The following SYNJ1 variants were observed in gnomAD, a reference collection of about 807,000 sequenced individuals.
SYNJ1 encodes the protein synaptojanin 1.
Under a neutral mutation model 168.2 loss-of-function variants are expected in SYNJ1, and 78 were observed. The ratio of observed to expected loss-of-function variants is 0.46; its 90% confidence interval spans 0.39 to 0.56. The LOEUF is 0.56. Among genes scored for constraint, SYNJ1 ranks in the 20% least tolerant of loss-of-function variants. SYNJ1 has a pLI of 0.00. For missense variants in SYNJ1, 1,303 were observed against 1,597.6 expected (o/e 0.82, Z 3.14); for synonymous variants, 539 against 548.6 (o/e 0.98, Z 0.24).
chr21:32,665,804 C>CA, intron 17 of SYNJ1, 139 bp downstream of exon 17: 1 of 941,724 alleles, frequency 1.1e-6, no homozygotes, highest in Non-Finnish European at 1.5e-6. Context: ...GGTTAATACT[C>CA]ATGAAATATC....
chr21:32,728,107 C>T, upstream of SYNJ1: 1 of 1,485,274 alleles, frequency 6.7e-7, no homozygotes, highest in South Asian at 1.3e-5. Flanking sequence ...AGGAGGGAGA[C>T]CACGCCCACT....
At chr21:32,640,853 T>G (rs1433788632) in intron 29 of SYNJ1, among the ~76,000 whole-genome samples, 7 of 152,340 alleles carry the variant, frequency 4.6e-5, no homozygotes, top group African/African-American at 1.7e-4. Context: ...TGCTGAAGGA[T>G]CTAAGCTAAC....
At chr21:32,711,479 C>T (rs1377014673) in intron 2 of SYNJ1, among the ~76,000 whole-genome samples, 9 of 151,890 alleles carry the variant, frequency 5.9e-5, no homozygotes, top group South Asian at 2.1e-4. Flanking sequence ...ACTACAGGCG[C>T]GCGCCACCAT....
chr21:32,680,781 A>T (rs777726755), intron 11 of SYNJ1, among the ~76,000 whole-genome samples: 1 of 152,062 alleles, frequency 6.6e-6, no homozygotes, highest in African/African-American at 2.4e-5. Context: ...ATGCCCAGCT[A>T]GTATTTTCTA....
chr21:32,711,243 T>A (rs933931622), intron 2 of SYNJ1, among the ~76,000 whole-genome samples: 6 of 152,168 alleles, frequency 3.9e-5, no homozygotes, highest in African/African-American at 1.4e-4. Flanking sequence ...AGTATAAATA[T>A]ATCAATTGTT....
intron 14 of SYNJ1, chr21:32,670,770 T>C (rs2041154400): frequency 1.0e-6 from 1 of 982,402 alleles, no homozygotes. Context: ...AAATTGCTGG[T>C]AACAGTTGGG....
rs1569051217 is a variant in SYNJ1 at position 32,657,058 on chromosome 21, TCCA to T, written c.2521_2523del (p.Trp841del). 2 of 1,613,910 alleles carry T rather than the reference TCCA, an allele frequency of 1.2e-6. No individual in the cohort carries two copies. Among genetic ancestry groups the T allele is most frequent in the Admixed American group, 3.3e-5 (2 of 59,978 alleles). On this transcript the variant is annotated inframe_deletion, in exon 20 of 33. Coordinates refer to ENST00000674351, the MANE Select transcript of SYNJ1 (RefSeq NM_203446.3). ...CCATAGTGCAGCAAAGTGCCTGGAG[TCCA>T]CGTGTACAGAATTTTGCTTTCATCT...
At chr21:32,667,598 G>T (rs1343325647) in intron 15 of SYNJ1, among the ~76,000 whole-genome samples, 2 of 152,012 alleles carry the variant, frequency 1.3e-5, no homozygotes, top group Non-Finnish European at 2.9e-5. Flanking sequence ...TTGAGATGGG[G>T]TCTCACTCTG....
At chr21:32,712,573 G>A (rs73196241) in intron 2 of SYNJ1, among the ~76,000 whole-genome samples, 28 of 151,538 alleles carry the variant, frequency 1.8e-4, no homozygotes, top group Admixed American at 7.9e-4. Context: ...TTTCATTCAC[G>A]CAAGAAGTAT....
In SYNJ1 at chr21:32,637,819, C is replaced by A. The variant is rs192462266; in HGVS notation, c.3915+1089G>T. ...TGTATTATATATCCTTCAACTTTTACAAATGTGACTTAATAAATGCTAACT... is the reference window on the plus strand; with the variant it reads ...TGTATTATATATCCTTCAACTTTTAAAAATGTGACTTAATAAATGCTAACT... On this transcript the variant is annotated intron_variant, in intron 31 of 32. Transcript: ENST00000674351. Among the ~76,000 whole-genome samples the A allele has an allele frequency of 2.0e-4, 31 of 152,304 alleles. No individual in the cohort carries two copies. The East Asian group carries it at 4.6e-3, about 23-fold the overall frequency.
chr21:32,669,448 A>T (rs2041092988), intron 15 of SYNJ1, among the ~76,000 whole-genome samples: 2 of 152,352 alleles, frequency 1.3e-5, no homozygotes, highest in South Asian at 2.1e-4. Context: ...GTAATTAACC[A>T]ATATGATGCT....
rs575383669 is a variant in SYNJ1, at chr21:32,683,149, C to A, written c.1200+889G>T. On this transcript the variant is annotated intron_variant, in intron 10 of 32. Coordinates refer to ENST00000674351, the MANE Select transcript of SYNJ1 (RefSeq NM_203446.3). ...TAAAGGAAATAAGAACATGTAACTTCCTATTGCTGTTTTTTTATAGTATTT... is the reference window on the plus strand; with the variant it reads ...TAAAGGAAATAAGAACATGTAACTTACTATTGCTGTTTTTTTATAGTATTT... 2.0e-5 allele frequency among the ~76,000 whole-genome samples: 3 copies of A among 152,096 alleles called. No homozygotes were observed. The South Asian group carries it at 6.2e-4, about 32-fold the overall frequency.
chr21:32,721,089 A>G (rs913481315), intron 2 of SYNJ1, among the ~76,000 whole-genome samples: 1 of 152,236 alleles, frequency 6.6e-6, no homozygotes, highest in African/African-American at 2.4e-5. Flanking sequence ...CAGGAAAAAA[A>G]TATGTACCTG....
chr21:32,701,842 A>G, intron 3 of SYNJ1, 119 bp downstream of exon 3: 1 of 672,958 alleles, frequency 1.5e-6, no homozygotes, highest in Non-Finnish European at 2.3e-6. Flanking sequence ...AAAAGATGTT[A>G]GCACATGTGT....
chr21:32,664,884 T>C, intron 18 of SYNJ1, 29 bp downstream of exon 18: 4 of 1,519,816 alleles, frequency 2.6e-6, no homozygotes, highest in Non-Finnish European at 3.5e-6. Flanking sequence ...AAAATCTTAA[T>C]GCAAGTATTT....
At chr21:32,666,348 A>T (rs2040931923) in intron 16 of SYNJ1, 85 bp downstream of exon 16, 3 of 1,533,062 alleles carry the variant, frequency 2.0e-6, no homozygotes, top group Non-Finnish European at 2.6e-6. Flanking sequence ...TTTTGTTTGA[A>T]GAACTGAAAC....
At position 32,653,278 on chromosome 21, in the gene SYNJ1, G is replaced by C. The variant is rs759503806; in HGVS notation, c.2874+10C>G. ...TCAGAATGGTTTAGAATCAACAAAT[G>C]CTACCTTACCTCTTTACCATTTAGG... On this transcript the variant is annotated intron_variant, in intron 22 of 32. Transcript: ENST00000674351. 6.2e-7 allele frequency: 1 copy of C among 1,605,946 alleles called. No homozygotes were observed. The highest frequency in any genetic ancestry group is 8.5e-7 in the Non-Finnish European group (1 of 1,174,342).
upstream of SYNJ1, chr21:32,728,387 C>T: frequency 4.2e-6 from 1 of 238,954 alleles, no homozygotes; most frequent in Non-Finnish European, 8.3e-6. Flanking sequence ...ACGGGCCTGA[C>T]GGGAGAGGAG....
At position 32,645,802 on chromosome 21, in the gene SYNJ1, C is replaced by G. The variant is rs1264500613; in HGVS notation, c.3248-13G>C. On this transcript the variant is annotated splice_polypyrimidine_tract_variant and intron_variant, in intron 24 of 32. Transcript: ENST00000674351. ...TCAATAGGAGAACCTAAAAAGCGCA[C>G]AGGAGGTAAGAAGATCAGCTTCTAA... is the stretch of plus-strand genomic sequence containing the variant. The G allele has an allele frequency of 6.0e-6, 9 of 1,492,246 alleles. No homozygotes were observed. The highest frequency in any genetic ancestry group is 8.1e-6 in the Non-Finnish European group (9 of 1,117,932). 92.4% of individuals were successfully genotyped at this position (1,492,246 alleles called of 1,614,324 possible). A position where few individuals can be genotyped will look rare whatever the true frequency, so the allele number is the denominator to read the frequency against.
Sources: allele counts gnomAD v4.1 joint callset (sites outside exome capture counted in the v4.1 genomes callset), GRCh38; gene constraint gnomAD v4.1.1; transcripts MANE v1.5; gene names NCBI Gene and HGNC (gene_info 2026-07-23, HGNC 2026-07-21).